Variants in ACACA observed in about 807,000 individuals in gnomAD.
The protein encoded by ACACA is acetyl-CoA carboxylase alpha.
Under a neutral mutation model 296.1 loss-of-function variants are expected in ACACA, and 103 were observed. That is an observed-to-expected ratio of 0.35 (90% confidence interval 0.30 to 0.41). ACACA has a LOEUF of 0.41. Among genes scored for constraint, ACACA ranks in the 10% least tolerant of loss-of-function variants. ACACA has a pLI of 1.00. For missense variants in ACACA, 1,554 were observed against 2,989.7 expected (o/e 0.52, Z 11.20); for synonymous variants, 953 against 1,038.6 (o/e 0.92, Z 1.58).
At chr17:37,232,778 G>T (rs2079922656) in intron 25 of ACACA, among the ~76,000 whole-genome samples, 2 of 147,312 alleles carry the variant, frequency 1.4e-5, no homozygotes, top group African/African-American at 2.5e-5. Flanking sequence ...TTTTGTTTTT[G>T]TTTTTTTTTT....
intron 45 of ACACA, among the ~76,000 whole-genome samples, chr17:37,147,934 T>G (rs189461355): frequency 3.7e-4 from 56 of 152,286 alleles, no homozygotes; most frequent in Admixed American, 3.6e-3. Flanking sequence ...TAGCAAGTTT[T>G]CAAGCAAAAC....
At chr17:37,352,608 A>T (rs2048958229) in intron 1 of ACACA, among the ~76,000 whole-genome samples, 1 of 152,002 alleles carries the variant, frequency 6.6e-6, no homozygotes, top group Non-Finnish European at 1.5e-5. Context: ...AGTCCCCGCT[A>T]CTTGGGAGGC....
At chr17:37,179,677 C>G (rs1216814876) in intron 40 of ACACA, among the ~76,000 whole-genome samples, 2 of 152,124 alleles carry the variant, frequency 1.3e-5, no homozygotes, top group African/African-American at 4.8e-5. Context: ...AAAGACCTAA[C>G]ACTATCCTAG....
intron 1 of ACACA, among the ~76,000 whole-genome samples, chr17:37,344,161 G>A (rs1024875009): frequency 6.6e-6 from 1 of 152,086 alleles, no homozygotes; most frequent in African/African-American, 2.4e-5. Flanking sequence ...AGGTGTGGTG[G>A]TTCACACCTG....
At chr17:37,379,033 C>T (rs1390187892) in intron 1 of ACACA, 97 of 1,351,002 alleles carry the variant, frequency 7.2e-5, no homozygotes, top group Non-Finnish European at 4.2e-5. Flanking sequence ...GATTGCGACA[C>T]TGCACTCCAG....
chr17:37,390,990 C>T (rs908853814), intron 1 of ACACA, among the ~76,000 whole-genome samples: 7 of 151,876 alleles, frequency 4.6e-5, no homozygotes, highest in African/African-American at 1.7e-4. Flanking sequence ...CCTGTAATCC[C>T]AGCACTTTGG....
At chr17:37,175,242 AG>A (rs1167398160) in intron 41 of ACACA, among the ~76,000 whole-genome samples, 1 of 152,246 alleles carries the variant, frequency 6.6e-6, no homozygotes, top group African/African-American at 2.4e-5. Flanking sequence ...CAAGAAGGCT[AG>A]GATTTTCTTT....
In ACACA at chr17:37,174,000, A is replaced by T. The variant is rs1178186531; in HGVS notation, c.5079+5260T>A. On this transcript the variant is annotated intron_variant, in intron 41 of 55. Transcript: ENST00000616317. ...GGCTAATTTATATATATATATATATATATATATATATATATATATATTTTT... is the reference window on the plus strand; with the variant it reads ...GGCTAATTTATATATATATATATATTTATATATATATATATATATATTTTT... 1.4e-3 allele frequency among the ~76,000 whole-genome samples: 13 copies of T among 9,518 alleles called. 1 individual carries two copies. Among genetic ancestry groups the T allele is most frequent in the African/African-American group, 9.5e-3 (11 of 1,154 alleles). The allele number at this position is 9,518 out of a possible 152,430, so 6.2% of individuals were successfully genotyped here.
At chr17:37,230,686 A>T (rs1598259908) in intron 25 of ACACA, among the ~76,000 whole-genome samples, 1 of 152,240 alleles carries the variant, frequency 6.6e-6, no homozygotes, top group Non-Finnish European at 1.5e-5. Context: ...ACTAACATCC[A>T]ACAGGAAGTT....
chr17:37,285,582 G>T (rs1466690131), intron 3 of ACACA, among the ~76,000 whole-genome samples: 3 of 152,058 alleles, frequency 2.0e-5, no homozygotes, highest in Admixed American at 2.0e-4. Flanking sequence ...GGGAGGCTGA[G>T]ATGAGAGGAT....
chr17:37,102,889 G>A (rs2073446899), intron 52 of ACACA, among the ~76,000 whole-genome samples: 1 of 152,212 alleles, frequency 6.6e-6, no homozygotes, highest in African/African-American at 2.4e-5. Context: ...TAGGAAGATT[G>A]CAGGGCATTC....
intron 1 of ACACA, among the ~76,000 whole-genome samples, chr17:37,343,152 A>G (rs2048462360): frequency 6.6e-6 from 1 of 151,736 alleles, no homozygotes; most frequent in Non-Finnish European, 1.5e-5. Flanking sequence ...TGATTTTTGT[A>G]TTTTTAGTAG....
At chr17:37,299,936 G>A (rs1048427631) in intron 3 of ACACA, among the ~76,000 whole-genome samples, 4 of 152,122 alleles carry the variant, frequency 2.6e-5, no homozygotes, top group African/African-American at 7.2e-5. Flanking sequence ...CAGACTGCAC[G>A]GTGGGGAAAA....
chr17:37,352,550 C>T (rs1326973941), intron 1 of ACACA, among the ~76,000 whole-genome samples: 3 of 151,194 alleles, frequency 2.0e-5, no homozygotes, highest in Non-Finnish European at 4.4e-5. Context: ...CCATCTCTAC[C>T]AAAATTAAGA....
In ACACA at chr17:37,299,811, T is replaced by C. The variant is rs978471832; in HGVS notation, c.339-14841A>G. On this transcript the variant is annotated intron_variant, in intron 3 of 55. Coordinates refer to ENST00000616317, the MANE Select transcript of ACACA (RefSeq NM_198834.3). ...AAGCCCAGGACAAAAAGACCAAATT[T>C]ACAAGGACAATTAAGCCAAGAAAAT... The C allele has an allele frequency of 4.0e-6, 4 of 991,820 alleles. No homozygotes were observed. The African/African-American group carries it at 7.0e-5, about 17-fold the overall frequency. 61.4% of individuals were successfully genotyped at this position (991,820 alleles called of 1,614,324 possible). A position where few individuals can be genotyped will look rare whatever the true frequency, so the allele number is the denominator to read the frequency against.
Position 37,121,416 on chromosome 17 carries a change from G to A in ACACA, c.6213C>T (p.Asn2071=), listed in dbSNP as rs770711912. ...FKTYQAIKDF[N]REGLPLMVFA... ...AGACCATCAGAGGCAGCCCTTCCCG[G>A]TTGAAGTCCTTGATGGCCTGATACG... The change falls in exon 50 of 56, where the codon AAC becomes AAT. Residue 2071 remains asparagine (N), a synonymous_variant. Coordinates refer to ENST00000616317, the MANE Select transcript of ACACA (RefSeq NM_198834.3). The A allele has an allele frequency of 5.0e-6, 8 of 1,614,036 alleles. No homozygotes were observed. Among genetic ancestry groups the A allele is most frequent in the Non-Finnish European group, 6.8e-6 (8 of 1,180,036 alleles).
intron 3 of ACACA, among the ~76,000 whole-genome samples, chr17:37,329,752 CA>C (rs1473926079): frequency 6.6e-6 from 1 of 151,868 alleles, no homozygotes; most frequent in Admixed American, 6.6e-5. Flanking sequence ...CCAGCCTGGC[CA>C]ACATGGTGAA....
At chr17:37,102,297 T>C (rs1203230608) in intron 52 of ACACA, among the ~76,000 whole-genome samples, 2 of 140,472 alleles carry the variant, frequency 1.4e-5, no homozygotes, top group East Asian at 2.2e-4. Flanking sequence ...CTCTGCCCCC[T>C]GAGTTCAAGC....
Position 37,097,078 on chromosome 17 carries a change from T to C in ACACA, c.6809A>G (p.His2270Arg). The C allele has an allele frequency of 3.1e-6, 5 of 1,614,130 alleles. No individual in the cohort carries two copies. Among genetic ancestry groups the C allele is most frequent in the Non-Finnish European group, 4.2e-6 (5 of 1,180,030 alleles). The stretch of plus-strand genomic sequence containing the variant: ...ATCAGTCAGCTCAGGGTTGGCATTG[T>C]GGATTTTCTTCTTGACCAGGTCCTC... ...LLEDLVKKKI[H>R]NANPELTDGQ... The change falls in exon 54 of 56, where the codon CAC becomes CGC. Residue 2270 changes from histidine to arginine, a missense_variant. By Grantham distance (29) the His-to-Arg change is conservative (BLOSUM62 0). Coordinates refer to ENST00000616317, the MANE Select transcript of ACACA (RefSeq NM_198834.3). This position sits in a 1 kb window ranked among gnomAD's most constrained non-coding sequence, Gnocchi z 4.8.
Sources: allele counts gnomAD v4.1 joint callset (sites outside exome capture counted in the v4.1 genomes callset), GRCh38; gene constraint gnomAD v4.1.1; non-coding constraint Gnocchi (gnomAD v3.1); transcripts MANE v1.5; gene names NCBI Gene and HGNC (gene_info 2026-07-23, HGNC 2026-07-21).